Variants in AGBL4 observed in about 807,000 individuals in gnomAD.
AGBL4 encodes cytosolic carboxypeptidase 6.
Under a neutral mutation model 66.4 loss-of-function variants are expected in AGBL4, and 58 were observed. The ratio of observed to expected loss-of-function variants is 0.87; its 90% CI spans 0.71 to 1.09. The LOEUF is 1.09. Ranked by LOEUF, AGBL4 falls within the 50% of genes least tolerant of loss-of-function variation. AGBL4 has a pLI of 0.00. For missense variants in AGBL4, 579 were observed against 631.0 expected (o/e 0.92, Z 0.88); for synonymous variants, 234 against 222.9 (o/e 1.05, Z -0.44).
At chr1:49,242,367 T>G (rs1374282294) in intron 4 of AGBL4, among the ~76,000 whole-genome samples, 1 of 151,996 alleles carries the variant, frequency 6.6e-6, no homozygotes, top group Non-Finnish European at 1.5e-5. Context: ...AATAGCATGC[T>G]ACTCCTTGCT....
chr1:49,903,960 C>T (rs1270104030), intron 1 of AGBL4, among the ~76,000 whole-genome samples: 2 of 152,078 alleles, frequency 1.3e-5, no homozygotes, highest in Non-Finnish European at 2.9e-5. Flanking sequence ...CAAATAACTT[C>T]CATACATAAA....
At chr1:49,952,041 T>C in intron 1 of AGBL4, among the ~76,000 whole-genome samples, 1 of 151,300 alleles carries the variant, frequency 6.6e-6, no homozygotes, top group Non-Finnish European at 1.5e-5. Context: ...GGGTAAAGAG[T>C]TTCTGTTTGG....
intron 3 of AGBL4, among the ~76,000 whole-genome samples, chr1:49,405,708 G>A (rs982996420): frequency 1.3e-5 from 2 of 152,182 alleles, no homozygotes; most frequent in Non-Finnish European, 1.5e-5. Context: ...AAATTCAAAT[G>A]TGAGTGACAG....
At chr1:49,409,024 A>C (rs901844228) in intron 3 of AGBL4, among the ~76,000 whole-genome samples, 13 of 152,150 alleles carry the variant, frequency 8.5e-5, no homozygotes, top group Admixed American at 8.5e-4. Flanking sequence ...ACAGAAGTTA[A>C]ACAATATACC....
intron 1 of AGBL4, among the ~76,000 whole-genome samples, chr1:49,948,444 T>A (rs1243123702): frequency 7.2e-5 from 4 of 55,782 alleles, no homozygotes; most frequent in Non-Finnish European, 1.4e-4. Context: ...TAAATATATA[T>A]AAATATATAA....
At chr1:48,596,012 G>A (rs567892879) in intron 9 of AGBL4, among the ~76,000 whole-genome samples, 2 of 152,202 alleles carry the variant, frequency 1.3e-5, no homozygotes, top group South Asian at 2.1e-4. Context: ...AGTTGAGCAG[G>A]GTGAGCTTTG....
intron 3 of AGBL4, among the ~76,000 whole-genome samples, chr1:49,302,411 C>T (rs1644762100): frequency 6.6e-6 from 1 of 151,640 alleles, no homozygotes; most frequent in Non-Finnish European, 1.5e-5. Context: ...CACCACCACA[C>T]CCAGCTAATT....
At chr1:49,844,413 C>G (rs769407115) in intron 2 of AGBL4, among the ~76,000 whole-genome samples, 1 of 152,196 alleles carries the variant, frequency 6.6e-6, no homozygotes, top group Non-Finnish European at 1.5e-5. Context: ...TACCCATATT[C>G]CTTGTGCCAA....
At chr1:49,410,402 T>A (rs920600357) in intron 3 of AGBL4, among the ~76,000 whole-genome samples, 15 of 152,184 alleles carry the variant, frequency 9.9e-5, no homozygotes, top group Admixed American at 9.8e-4. Flanking sequence ...CTGGAATCCC[T>A]CTAACCTAGG....
chr1:49,080,433 G>C (rs150467242), intron 4 of AGBL4, among the ~76,000 whole-genome samples: 34 of 152,212 alleles, frequency 2.2e-4, no homozygotes, highest in Middle Eastern at 6.8e-3. Flanking sequence ...TTCAACCAAA[G>C]GACATAGCCA....
At chr1:49,786,182 T>G (rs1644451118) in intron 2 of AGBL4, among the ~76,000 whole-genome samples, 1 of 152,126 alleles carries the variant, frequency 6.6e-6, no homozygotes, top group Non-Finnish European at 1.5e-5. Flanking sequence ...CGCTACCATC[T>G]GAAGCTAACC....
At chr1:49,050,067 A>T (rs1334508127) in intron 4 of AGBL4, among the ~76,000 whole-genome samples, 1 of 151,974 alleles carries the variant, frequency 6.6e-6, no homozygotes, top group Non-Finnish European at 1.5e-5. Context: ...ATGGCACAAC[A>T]CTCGATCCTG....
chr1:49,992,371 C>CA (rs34311728), intron 1 of AGBL4, among the ~76,000 whole-genome samples: 1,621 of 86,718 alleles, frequency 0.019, 16 homozygotes, highest in African/African-American at 0.04. Flanking sequence ...GACTCCGTCT[C>CA]AAAAAAAAAA....
chr1:49,392,336 G>T (rs1644868914), intron 3 of AGBL4, among the ~76,000 whole-genome samples: 1 of 152,100 alleles, frequency 6.6e-6, no homozygotes, highest in South Asian at 2.1e-4. Flanking sequence ...CTTTTCTCTG[G>T]AGTATAACAG....
rs148302803 is a variant in AGBL4 at position 48,704,020 on chromosome 1, C to G, written c.635-40779G>C. ...TGGTATACACTACTATATACCTAAG[C>G]TGTATGGTGTACCTATGGCTCCTAG... is the stretch of plus-strand genomic sequence containing the variant. On this transcript the variant is annotated intron_variant, in intron 6 of 13. Transcript: ENST00000371839. 3.1e-4 allele frequency among the ~76,000 whole-genome samples: 47 copies of G among 152,312 alleles called. No individual in the cohort carries two copies. In the East Asian group the frequency reaches 9.1e-3, roughly 29 times the overall value.
chr1:49,995,351 G>A (rs908858356), intron 1 of AGBL4: 1 of 449,578 alleles, frequency 2.2e-6, no homozygotes, highest in Non-Finnish European at 4.5e-6. Context: ...CTGCGTTGGA[G>A]CTGGATGAGG....
chr1:48,778,111 G>T (rs559082213), intron 6 of AGBL4, among the ~76,000 whole-genome samples: 5 of 151,930 alleles, frequency 3.3e-5, no homozygotes, highest in African/African-American at 1.2e-4. Flanking sequence ...TGAATTTTGG[G>T]TAAAGAAGAA....
At chr1:49,344,499 G>T (rs1645600948) in intron 3 of AGBL4, among the ~76,000 whole-genome samples, 1 of 152,264 alleles carries the variant, frequency 6.6e-6, no homozygotes, top group Non-Finnish European at 1.5e-5. Context: ...GCTGTGGAAG[G>T]TTTGTGAAAG....
rs2148803272 is a variant in AGBL4 at position 49,523,532 on chromosome 1, G to C, written c.282+173781C>G. Among the ~76,000 whole-genome samples, 4 of 152,126 alleles carry C rather than the reference G, an allele frequency of 2.6e-5. 1 individual carries two copies. The highest frequency in any genetic ancestry group is 6.8e-3 in the Middle Eastern group (2 of 294). On this transcript the variant is annotated intron_variant, in intron 3 of 13. Transcript: ENST00000371839. ...GATTCCAAAAAACTGGTATTTGTTT[G>C]ATTTCTTTCAGATTGAACCTAATTT...
Sources: gnomAD v4.1 joint callset for allele counts (sites outside exome capture counted in the v4.1 genomes callset) on GRCh38, gnomAD v4.1.1 for gene constraint, MANE v1.5 for transcripts, NCBI Gene and HGNC (gene_info 2026-07-23, HGNC 2026-07-21) for gene names.